The following CNTN5 variants were observed in gnomAD, a reference collection of about 807,000 sequenced individuals.
The protein encoded by CNTN5 is contactin 5.
In CNTN5, 77 loss-of-function variants were observed where a neutral mutation model predicts 129.1. The ratio of observed to expected loss-of-function variants is 0.60; its 90% CI spans 0.50 to 0.72. CNTN5 has a LOEUF of 0.72. Ranked by LOEUF, CNTN5 falls within the 30% of genes least tolerant of loss-of-function variation. The pLI is 0.00. For synonymous variants in CNTN5, 509 were observed against 465.6 expected, an observed-to-expected ratio of 1.09 and a Z score of -1.20; for missense variants, 1,478 against 1,328.8, an observed-to-expected ratio of 1.11 and a Z score of -1.75.
chr11:99,857,915 T>G (rs1445566141), intron 6 of CNTN5, among the ~76,000 whole-genome samples: 1 of 152,130 alleles, frequency 6.6e-6, no homozygotes, highest in African/African-American at 2.4e-5. Flanking sequence ...AGTGACAGAA[T>G]TTATCAAACC....
chr11:100,115,411 C>CA (rs1413202337), intron 13 of CNTN5, among the ~76,000 whole-genome samples: 1 of 151,768 alleles, frequency 6.6e-6, no homozygotes, highest in East Asian at 1.9e-4. Context: ...ACACACACAC[C>CA]AAAAAAACAA....
At chr11:99,792,200 A>G (rs1003611343) in intron 3 of CNTN5, among the ~76,000 whole-genome samples, 10 of 152,120 alleles carry the variant, frequency 6.6e-5, no homozygotes, top group Non-Finnish European at 1.3e-4. Context: ...CATGCTTTCA[A>G]TGTTTGCCTA....
intron 10 of CNTN5, among the ~76,000 whole-genome samples, chr11:100,063,619 T>C (rs981764902): frequency 4.0e-5 from 6 of 150,658 alleles, no homozygotes; most frequent in Non-Finnish European, 5.9e-5. Flanking sequence ...CCTATTTCAC[T>C]TCTAAAAGTA....
intron 6 of CNTN5, among the ~76,000 whole-genome samples, chr11:99,870,229 G>A (rs1391861821): frequency 6.6e-6 from 1 of 152,052 alleles, no homozygotes; most frequent in Non-Finnish European, 1.5e-5. Flanking sequence ...AAGGCAAAAG[G>A]TATACTCATT....
intron 21 of CNTN5, among the ~76,000 whole-genome samples, chr11:100,317,073 T>G (rs1364403418): frequency 1.3e-5 from 2 of 152,246 alleles, no homozygotes; most frequent in Admixed American, 6.5e-5. Context: ...CTAAAGCCAT[T>G]TCCACTTATT....
At chr11:99,600,403 T>G (rs1234242850) in intron 3 of CNTN5, among the ~76,000 whole-genome samples, 1 of 152,212 alleles carries the variant, frequency 6.6e-6, no homozygotes, top group African/African-American at 2.4e-5. Context: ...CACATTTAAT[T>G]ATTTGCATAA....
In CNTN5 at chr11:99,049,389, T is replaced by C. The variant is rs564643084; in HGVS notation, c.-210+28119T>C. ...CTTTTTGAAACAGGACTGAAACTAATATATTCTTCTTTATTAACTACAGTC... is the reference window on the plus strand; with the variant it reads ...CTTTTTGAAACAGGACTGAAACTAACATATTCTTCTTTATTAACTACAGTC... On this transcript the variant is annotated intron_variant, in intron 1 of 24. Coordinates refer to ENST00000524871, the MANE Select transcript of CNTN5 (RefSeq NM_014361.4). 8.5e-5 allele frequency among the ~76,000 whole-genome samples: 13 copies of C among 152,256 alleles called. No individual in the cohort carries two copies. In the South Asian group the frequency reaches 1.0e-3, roughly 12 times the overall value.
chr11:99,764,799 C>T (rs1657866309), intron 3 of CNTN5, among the ~76,000 whole-genome samples: 1 of 152,132 alleles, frequency 6.6e-6, no homozygotes. Context: ...ACCTATAGAT[C>T]ATCTCAACTT....
chr11:99,320,743 G>C (rs560284834), intron 1 of CNTN5, among the ~76,000 whole-genome samples: 1 of 152,210 alleles, frequency 6.6e-6, no homozygotes. Flanking sequence ...ATGTTGAAGG[G>C]TGATGTAAGG....
At chr11:99,690,644 C>A (rs1469501650) in intron 3 of CNTN5, among the ~76,000 whole-genome samples, 4 of 152,076 alleles carry the variant, frequency 2.6e-5, no homozygotes, top group South Asian at 2.1e-4. Context: ...TCTCTAATTT[C>A]TCTGAGCAAG....
intron 3 of CNTN5, among the ~76,000 whole-genome samples, chr11:99,718,299 A>G (rs1943052885): frequency 6.6e-6 from 1 of 152,154 alleles, no homozygotes; most frequent in Non-Finnish European, 1.5e-5. Flanking sequence ...GTGGCAAGAA[A>G]AGCATTAAAA....
At chr11:99,775,794 ATCTT>A (rs1006663370) in intron 3 of CNTN5, among the ~76,000 whole-genome samples, 4 of 140,882 alleles carry the variant, frequency 2.8e-5, no homozygotes, top group Non-Finnish European at 6.6e-5. Flanking sequence ...TTTATATACG[ATCTT>A]GATTGATTAT....
chr11:99,064,842 T>G (rs1865036443), intron 1 of CNTN5, among the ~76,000 whole-genome samples: 1 of 152,086 alleles, frequency 6.6e-6, no homozygotes, highest in Non-Finnish European at 1.5e-5. Flanking sequence ...GGGATAGTAT[T>G]ATTTTTATTA....
At chr11:99,707,281 G>A (rs1411087309) in intron 3 of CNTN5, among the ~76,000 whole-genome samples, 1 of 151,312 alleles carries the variant, frequency 6.6e-6, no homozygotes, top group African/African-American at 2.4e-5. Flanking sequence ...TGTCATAAAG[G>A]CCAAAGTGTT....
intron 2 of CNTN5, among the ~76,000 whole-genome samples, chr11:99,395,049 A>G (rs907893343): frequency 2.6e-5 from 4 of 151,862 alleles, no homozygotes; most frequent in Admixed American, 6.6e-5. Flanking sequence ...TCCTTTGGGT[A>G]TATACCCCAT....
At chr11:99,568,356 T>A (rs117158134) in intron 3 of CNTN5, among the ~76,000 whole-genome samples, 6,031 of 152,292 alleles carry the variant, frequency 0.04, 164 homozygotes, top group South Asian at 0.087. Context: ...CATGAGAACT[T>A]GTGAATGAAT....
chr11:99,169,018 A>G (rs563921020), intron 1 of CNTN5, among the ~76,000 whole-genome samples: 2 of 152,338 alleles, frequency 1.3e-5, no homozygotes, highest in Admixed American at 6.5e-5. Flanking sequence ...GACATGAAGA[A>G]CAAATATTAA....
chr11:99,809,798 T>A (rs1191755978), intron 3 of CNTN5, among the ~76,000 whole-genome samples: 2 of 152,208 alleles, frequency 1.3e-5, no homozygotes, highest in Non-Finnish European at 2.9e-5. Flanking sequence ...CTAGCTTTTT[T>A]TGATTTGTTA....
chr11:99,508,063 A>G (rs1946691624), intron 2 of CNTN5, among the ~76,000 whole-genome samples: 2 of 152,196 alleles, frequency 1.3e-5, no homozygotes, highest in Non-Finnish European at 2.9e-5. Flanking sequence ...TTCAAAATAT[A>G]CTCTTGTCCA....
Sources: gnomAD v4.1 joint callset for allele counts (sites outside exome capture counted in the v4.1 genomes callset) on GRCh38, gnomAD v4.1.1 for gene constraint, MANE v1.5 for transcripts, NCBI Gene and HGNC (gene_info 2026-07-23, HGNC 2026-07-21) for gene names.